The following ADGRG6 variants were observed in gnomAD, a reference collection of about 807,000 sequenced individuals.
ADGRG6 encodes G-protein coupled receptor 126.
A neutral mutation model predicts 142.4 loss-of-function variants in ADGRG6; 84 were observed. The observed-to-expected ratio is 0.59, with a 90% CI of 0.49 to 0.71. The LOEUF (loss-of-function observed/expected upper bound fraction) is 0.71, where lower values mean the gene tolerates loss of function less well. ADGRG6 is among the 30% of genes least tolerant of loss of function. The probability of loss-of-function intolerance (pLI) is 0.00; values close to 1 mark genes in which losing one functional copy is unlikely to be tolerated. For missense variants in ADGRG6, 1,367 were observed against 1,466.6 expected (o/e 0.93, Z 1.11); for synonymous variants, 521 against 520.5 (o/e 1.00, Z -0.01).
intron 4 of ADGRG6, among the ~76,000 whole-genome samples, chr6:142,378,149 A>AAATATCTTG (rs1308207894): frequency 6.6e-6 from 1 of 152,166 alleles, no homozygotes; most frequent in Non-Finnish European, 1.5e-5. Context: ...GAAAATTGTT[A>AAATATCTTG]AATATCTTGC....
rs547096476 is a variant in ADGRG6 at position 142,355,748 on chromosome 6, G to C, written c.104-11821G>C. ...CTTTTTGTGGTTTGGCCTTCTGTAAGGCTTGCCTGCAGGTGTGCCCTTACT... is the reference window on the plus strand; with the variant it reads ...CTTTTTGTGGTTTGGCCTTCTGTAACGCTTGCCTGCAGGTGTGCCCTTACT... On this transcript the variant is annotated intron_variant, in intron 2 of 24. Coordinates refer to ENST00000367609, the MANE Select transcript of ADGRG6 (RefSeq NM_198569.3). Among the ~76,000 whole-genome samples the C allele has an allele frequency of 5.9e-5, 9 of 152,114 alleles. No homozygotes were observed. The South Asian group carries it at 1.9e-3, about 32-fold the overall frequency.
chr6:142,310,657 G>A (rs969458957), intron 2 of ADGRG6, among the ~76,000 whole-genome samples: 2 of 151,768 alleles, frequency 1.3e-5, no homozygotes, highest in East Asian at 1.9e-4. Flanking sequence ...AAGCCTCCAA[G>A]TGTTTTAAGA....
At chr6:142,417,512 G>C in intron 21 of ADGRG6, 143 bp downstream of exon 21, 1 of 598,510 alleles carries the variant, frequency 1.7e-6, no homozygotes, top group South Asian at 2.0e-5. Flanking sequence ...CTACACCACA[G>C]ATTAATTCAG....
At chr6:142,306,195 G>C (rs760957618) in intron 1 of ADGRG6, among the ~76,000 whole-genome samples, 4 of 152,108 alleles carry the variant, frequency 2.6e-5, no homozygotes, top group Non-Finnish European at 4.4e-5. Flanking sequence ...TCTTTAAATT[G>C]TGACTTTTGG....
At chr6:142,335,826 A>C (rs1779283013) in intron 2 of ADGRG6, among the ~76,000 whole-genome samples, 1 of 152,164 alleles carries the variant, frequency 6.6e-6, no homozygotes, top group Non-Finnish European at 1.5e-5. Flanking sequence ...GTAAGAAGAA[A>C]AACCAAGAGA....
At chr6:142,302,485 C>T in intron 1 of ADGRG6, 154 bp downstream of exon 1, 2 of 722,454 alleles carry the variant, frequency 2.8e-6, no homozygotes, top group Non-Finnish European at 4.5e-6. Flanking sequence ...TCAGTTTGCC[C>T]CTCGAGGCAC....
chr6:142,377,191 C>A (rs1159581021), intron 4 of ADGRG6, among the ~76,000 whole-genome samples: 1 of 152,108 alleles, frequency 6.6e-6, no homozygotes, highest in South Asian at 2.1e-4. Context: ...TTTAGGCACA[C>A]GGACACATCG....
At chr6:142,305,774 A>T (rs1274654662) in intron 1 of ADGRG6, among the ~76,000 whole-genome samples, 2 of 152,170 alleles carry the variant, frequency 1.3e-5, no homozygotes, top group African/African-American at 4.8e-5. Flanking sequence ...CTCTAGTATA[A>T]GCCAGTTATG....
At position 142,302,159 on chromosome 6, in the gene ADGRG6, G is replaced by GGT; in HGVS notation, c.-171_-170insGT. ...CGCTGCCGCGCCCAGGGTTCACCTT[G>GGT]CGCCGTCGGGAAAGCCCATGAACTC... On this transcript the variant is annotated 5_prime_UTR_variant, in exon 1 of 25. Coordinates refer to ENST00000367609, the MANE Select transcript of ADGRG6 (RefSeq NM_198569.3). 1.5e-6 allele frequency: 1 copy of GGT among 664,646 alleles called. No individual in the cohort carries two copies. Among genetic ancestry groups the GGT allele is most frequent in the South Asian group, 2.1e-5 (1 of 47,120 alleles). The allele number at this position is 664,646 out of a possible 1,614,324, so 41.2% of individuals were successfully genotyped here. A position where few individuals can be genotyped will look rare whatever the true frequency, so the allele number is the denominator to read the frequency against.
At chr6:142,370,927 T>TG in intron 4 of ADGRG6, 134 bp downstream of exon 4, 2 of 907,418 alleles carry the variant, frequency 2.2e-6, no homozygotes, top group Non-Finnish European at 3.3e-6. Context: ...TATATATATG[T>TG]TGTCATTAAA....
At chr6:142,352,653 G>A (rs1367783026) in intron 2 of ADGRG6, among the ~76,000 whole-genome samples, 1 of 152,052 alleles carries the variant, frequency 6.6e-6, no homozygotes, top group Non-Finnish European at 1.5e-5. Context: ...ATATATATTT[G>A]TATAAGTACA....
intron 2 of ADGRG6, among the ~76,000 whole-genome samples, chr6:142,325,894 G>T (rs1455678377): frequency 6.6e-6 from 1 of 151,718 alleles, no homozygotes; most frequent in African/African-American, 2.4e-5. Context: ...GATTACCTAA[G>T]AATATAATTC....
At position 142,302,125 on chromosome 6, in the gene ADGRG6, T is replaced by C; in HGVS notation, c.-205T>C. The C allele has an allele frequency of 1.7e-6, 1 of 573,830 alleles. No individual in the cohort carries two copies. The highest frequency in any genetic ancestry group is 3.1e-6 in the Non-Finnish European group (1 of 327,254). 35.5% of individuals were successfully genotyped at this position (573,830 alleles called of 1,614,324 possible). A position where few individuals can be genotyped will look rare whatever the true frequency, so the allele number is the denominator to read the frequency against. On this transcript the variant is annotated 5_prime_UTR_variant, in exon 1 of 25. Coordinates refer to ENST00000367609, the MANE Select transcript of ADGRG6 (RefSeq NM_198569.3). ...AGCCTGCTTCCTCGTCCGCAGGCCC[T>C]GCGCTGAACGCTGCCGCGCCCAGGG...
chr6:142,315,971 C>A, intron 2 of ADGRG6, among the ~76,000 whole-genome samples: 1 of 152,034 alleles, frequency 6.6e-6, no homozygotes, highest in African/African-American at 2.4e-5. Context: ...TAAAGTATCC[C>A]AGTGGGGAAT....
At chr6:142,317,953 T>TAA (rs1265472865) in intron 2 of ADGRG6, among the ~76,000 whole-genome samples, 180 of 66,888 alleles carry the variant, frequency 2.7e-3, no homozygotes, top group Middle Eastern at 0.023. Context: ...TATATTTATA[T>TAA]TATATATTTA....
chr6:142,310,969 G>T (rs747439071), intron 2 of ADGRG6, among the ~76,000 whole-genome samples: 2 of 146,060 alleles, frequency 1.4e-5, no homozygotes, highest in Non-Finnish European at 3.0e-5. Context: ...TTTTTGTTAG[G>T]TCATGTATTT....
chr6:142,400,416 C>A, intron 10 of ADGRG6, 69 bp from the exon 11 acceptor site: 1 of 749,626 alleles, frequency 1.3e-6, no homozygotes, highest in Non-Finnish European at 2.4e-6. Flanking sequence ...TGCTTTCATC[C>A]TGCATCTCTA....
chr6:142,314,971 AGTGT>A (rs58848776), intron 2 of ADGRG6, among the ~76,000 whole-genome samples: 6,465 of 145,058 alleles, frequency 0.045, 365 homozygotes, highest in African/African-American at 0.13. Context: ...CCAATCATGG[AGTGT>A]GTGTGTGTGT....
chr6:142,366,821 T>G (rs1329657562), intron 2 of ADGRG6, among the ~76,000 whole-genome samples: 1 of 151,946 alleles, frequency 6.6e-6, no homozygotes, highest in African/African-American at 2.4e-5. Context: ...TTGATATATA[T>G]TATTTAGAAT....
Sources: gnomAD v4.1 joint callset for allele counts (sites outside exome capture counted in the v4.1 genomes callset) on GRCh38, gnomAD v4.1.1 for gene constraint, MANE v1.5 for transcripts, NCBI Gene and HGNC (gene_info 2026-07-23, HGNC 2026-07-21) for gene names.